Variants in METTL24 observed in about 807,000 individuals in gnomAD.
METTL24 encodes the protein methyltransferase like 24, also known as probable methyltransferase-like protein 24.
METTL24 carries 29 observed loss-of-function variants against 32.7 expected under a neutral mutation model. That is an observed-to-expected ratio of 0.89 (90% confidence interval 0.66 to 1.21). The LOEUF is 1.21. Ranked by LOEUF, METTL24 falls within the 50% of genes most tolerant of loss-of-function variation. The pLI, the probability that METTL24 is intolerant of heterozygous loss-of-function variation, is 0.00. For missense variants in METTL24, 439 were observed against 468.1 expected, an observed-to-expected ratio of 0.94 and a Z score of 0.57; for synonymous variants, 163 against 179.5, an observed-to-expected ratio of 0.91 and a Z score of 0.73.
intron 3 of METTL24, among the ~76,000 whole-genome samples, chr6:110,308,304 T>C (rs1453185867): frequency 1.3e-5 from 2 of 152,222 alleles, no homozygotes; most frequent in Non-Finnish European, 2.9e-5. Flanking sequence ...GGGTGGGTTG[T>C]GGCACTGTTT....
At position 110,298,956 on chromosome 6, in the gene METTL24, A is replaced by G. The variant is rs1203415084; in HGVS notation, c.752T>C (p.Leu251Pro). The change falls in exon 4 of 5, where the codon CTG (leucine) becomes CCG (proline). Residue 251 changes from leucine to proline, a missense_variant. Transcript: ENST00000338882. Reference protein sequence around the residue: ...AQKPHSNTRKLGSILNEFGHH... With the variant: ...AQKPHSNTRKPGSILNEFGHH... ...TCCAAATTCATTCAAAATGCTTCCC[A>G]GTTTTCTGGTGTTGCTATGTGGTTT... 6.2e-7 allele frequency: 1 copy of G among 1,614,030 alleles called. No individual in the cohort carries two copies. Among genetic ancestry groups the G allele is most frequent in the East Asian group, 2.2e-5 (1 of 44,892 alleles).
intron 4 of METTL24, among the ~76,000 whole-genome samples, chr6:110,279,548 G>T (rs1771103778): frequency 6.6e-6 from 1 of 152,042 alleles, no homozygotes; most frequent in Non-Finnish European, 1.5e-5. Flanking sequence ...TCCAACAATT[G>T]GGAAGTGGTT....
chr6:110,260,424 A>C (rs1778472166), intron 4 of METTL24, among the ~76,000 whole-genome samples: 1 of 152,216 alleles, frequency 6.6e-6, no homozygotes, highest in Admixed American at 6.5e-5. Flanking sequence ...AAAAAAGAAT[A>C]AACAGAAACA....
chr6:110,353,776 GC>G (rs1344505159), intron 1 of METTL24, among the ~76,000 whole-genome samples: 9 of 152,038 alleles, frequency 5.9e-5, no homozygotes, highest in Admixed American at 5.9e-4. Context: ...CCTGTATGTT[GC>G]ATCTGTCTTT....
chr6:110,319,190 T>C (rs996399872), intron 2 of METTL24, among the ~76,000 whole-genome samples: 2 of 152,178 alleles, frequency 1.3e-5, no homozygotes, highest in African/African-American at 2.4e-5. Context: ...AACTCTATGC[T>C]CTATGTTTAT....
chr6:110,324,491 T>A lies in METTL24; in HGVS notation c.319-1619A>T, dbSNP rs147423788. On this transcript the variant is annotated intron_variant, in intron 1 of 4. Coordinates refer to ENST00000338882, the MANE Select transcript of METTL24 (RefSeq NM_001123364.3). ...CGAAATTCTTAGTAATTTTATTATT[T>A]TTTTTATTACTGCTCCTTGCAGAGC... Among the ~76,000 whole-genome samples the A allele has an allele frequency of 3.3e-5, 5 of 152,352 alleles. No individual in the cohort carries two copies. In the East Asian group the frequency reaches 5.8e-4, roughly 18 times the overall value.
intron 4 of METTL24, among the ~76,000 whole-genome samples, chr6:110,286,356 A>G (rs1771220856): frequency 1.3e-5 from 2 of 152,176 alleles, no homozygotes; most frequent in African/African-American, 4.8e-5. Context: ...GTTGGTTAAA[A>G]ATGCAGGCTC....
intron 4 of METTL24, chr6:110,253,864 C>A: frequency 2.1e-6 from 3 of 1,412,758 alleles, no homozygotes; most frequent in East Asian, 2.8e-5. Context: ...AAATTTTCCT[C>A]TAAAATTTTC....
chr6:110,266,699 G>T (rs1339956572), intron 4 of METTL24, among the ~76,000 whole-genome samples: 1 of 152,110 alleles, frequency 6.6e-6, no homozygotes, highest in African/African-American at 2.4e-5. Context: ...TCAGTTTGAG[G>T]CAGCATGTTC....
At chr6:110,341,173 C>A (rs150767574) in intron 1 of METTL24, among the ~76,000 whole-genome samples, 224 of 152,272 alleles carry the variant, frequency 1.5e-3, no homozygotes, top group African/African-American at 5.3e-3. Flanking sequence ...ACTCTTTTCT[C>A]CTGTGTCTTG....
intron 4 of METTL24, among the ~76,000 whole-genome samples, chr6:110,285,955 C>T (rs560243862): frequency 9.2e-5 from 14 of 152,270 alleles, no homozygotes; most frequent in African/African-American, 2.4e-4. Context: ...GTAATAATAC[C>T]GGGCCCTTTG....
At chr6:110,302,732 A>G (rs1771556306) in intron 3 of METTL24, among the ~76,000 whole-genome samples, 1 of 152,002 alleles carries the variant, frequency 6.6e-6, no homozygotes, top group Admixed American at 6.6e-5. Context: ...AATTAGCCAC[A>G]TACAATTCTG....
intron 4 of METTL24, among the ~76,000 whole-genome samples, chr6:110,278,195 C>T (rs754394748): frequency 2.2e-4 from 33 of 152,162 alleles, no homozygotes; most frequent in Non-Finnish European, 4.4e-4. Flanking sequence ...TTCTGGTTCC[C>T]GTGTGTGAAT....
chr6:110,357,357 T>A (rs1269848185), intron 1 of METTL24: 1 of 152,144 alleles, frequency 6.6e-6, no homozygotes, highest in Non-Finnish European at 1.5e-5. Context: ...AGGATCCAAT[T>A]AACTTCTCAT....
At chr6:110,320,824 G>C (rs1348818578) in intron 2 of METTL24, among the ~76,000 whole-genome samples, 2 of 152,036 alleles carry the variant, frequency 1.3e-5, no homozygotes, top group African/African-American at 2.4e-5. Context: ...CAGAACTGAG[G>C]GGGACCTTAG....
At chr6:110,318,654 A>C (rs56689740) in intron 2 of METTL24, among the ~76,000 whole-genome samples, 8 of 140,462 alleles carry the variant, frequency 5.7e-5, no homozygotes, top group African/African-American at 2.4e-4. Context: ...TCTACCTCAA[A>C]AAAAAAAAAA....
chr6:110,263,019 A>T (rs1317551807), intron 4 of METTL24, among the ~76,000 whole-genome samples: 1 of 152,210 alleles, frequency 6.6e-6, no homozygotes, highest in Non-Finnish European at 1.5e-5. Flanking sequence ...TATCATACTG[A>T]ATGTGCAAAA....
rs182512673 is a variant in METTL24 at position 110,341,097 on chromosome 6, T to C, written c.318+16858A>G. 2.5e-3 allele frequency among the ~76,000 whole-genome samples: 379 copies of C among 152,340 alleles called. 1 individual carries two copies. Among genetic ancestry groups the C allele is most frequent in the Non-Finnish European group, 4.5e-3 (305 of 68,030 alleles). ...TGGCTTGAACAAATATACACATATTTATTTTAATTGTCAGCATCATGGCTT... is the reference window on the plus strand; with the variant it reads ...TGGCTTGAACAAATATACACATATTCATTTTAATTGTCAGCATCATGGCTT... On this transcript the variant is annotated intron_variant, in intron 1 of 4. Transcript: ENST00000338882.
intron 1 of METTL24, among the ~76,000 whole-genome samples, chr6:110,340,450 T>C (rs1413161395): frequency 1.3e-5 from 2 of 152,116 alleles, no homozygotes; most frequent in Admixed American, 6.5e-5. Flanking sequence ...GGCCATGTCT[T>C]AACCTGGCAC....
Sources: allele counts gnomAD v4.1 joint callset (sites outside exome capture counted in the v4.1 genomes callset), GRCh38; gene constraint gnomAD v4.1.1; transcripts MANE v1.5; gene names NCBI Gene and HGNC (gene_info 2026-07-23, HGNC 2026-07-21).